The following NIPBL variants were observed in gnomAD, a reference collection of about 807,000 sequenced individuals.
NIPBL encodes NIPBL cohesin loading factor.
Under a neutral mutation model 321.8 loss-of-function variants are expected in NIPBL, and 19 were observed. The ratio of observed to expected loss-of-function variants is 0.06; its 90% CI spans 0.04 to 0.09. The LOEUF is 0.09. Ranked by LOEUF, NIPBL falls within the 10% of genes least tolerant of loss-of-function variation. The pLI is 1.00. For synonymous variants in NIPBL, 1,106 were observed against 1,114.1 expected, an observed-to-expected ratio of 0.99 and a Z score of 0.14; for missense variants, 2,210 against 3,327.0, an observed-to-expected ratio of 0.66 and a Z score of 8.26.
At chr5:37,055,072 G>C (rs1753953702) in intron 42 of NIPBL, among the ~76,000 whole-genome samples, 1 of 152,142 alleles carries the variant, frequency 6.6e-6, no homozygotes, top group Admixed American at 6.5e-5. Context: ...GTAGAGGCTG[G>C]GTGTGGTGCC....
chr5:36,992,340 C>T lies in NIPBL; in HGVS notation c.3122-3282C>T, dbSNP rs528429320. On this transcript the variant is annotated intron_variant, in intron 10 of 46. Transcript: ENST00000282516. ...GGCAAGCAACAATAATCCCTAAAAT[C>T]ATCAATCCCTAAAATACATCATCAT... is the stretch of plus-strand genomic sequence containing the variant. 4.6e-5 allele frequency among the ~76,000 whole-genome samples: 7 copies of T among 152,246 alleles called. No homozygotes were observed. In the East Asian group the frequency reaches 1.4e-3, roughly 29 times the overall value.
At chr5:37,037,475 A>G (rs2149719668) in intron 33 of NIPBL, among the ~76,000 whole-genome samples, 1 of 149,544 alleles carries the variant, frequency 6.7e-6, no homozygotes, top group South Asian at 2.1e-4. Context: ...CTTGAAGCGC[A>G]CAAAGACTAG....
chr5:36,972,654 G>A (rs995571804), intron 8 of NIPBL, among the ~76,000 whole-genome samples: 2 of 151,920 alleles, frequency 1.3e-5, no homozygotes, highest in African/African-American at 2.4e-5. Flanking sequence ...CATACCTAGC[G>A]GATATTTCCA....
intron 1 of NIPBL, among the ~76,000 whole-genome samples, chr5:36,931,791 T>C (rs1446585902): frequency 6.6e-6 from 1 of 151,814 alleles, no homozygotes; most frequent in Non-Finnish European, 1.5e-5. Flanking sequence ...TCTGGTTTTT[T>C]TTTTTTTTGT....
intron 1 of NIPBL, among the ~76,000 whole-genome samples, chr5:36,883,242 A>G (rs537013539): frequency 2.6e-5 from 4 of 152,048 alleles, no homozygotes; most frequent in East Asian, 3.9e-4. Flanking sequence ...GCCATCTTAC[A>G]TGTGTGACAT....
intron 1 of NIPBL, among the ~76,000 whole-genome samples, chr5:36,896,351 G>A (rs1746735630): frequency 6.6e-6 from 1 of 152,188 alleles, no homozygotes; most frequent in Non-Finnish European, 1.5e-5. Flanking sequence ...AGGTTTGAAA[G>A]TGAAATGTGT....
chr5:37,049,570 T>A (rs1753312898), intron 40 of NIPBL, among the ~76,000 whole-genome samples: 1 of 152,234 alleles, frequency 6.6e-6, no homozygotes, highest in South Asian at 2.1e-4. Flanking sequence ...GGTGATATAT[T>A]TGTTTTAATT....
intron 4 of NIPBL, among the ~76,000 whole-genome samples, chr5:36,960,847 A>G (rs1741534927): frequency 6.6e-6 from 1 of 152,202 alleles, no homozygotes; most frequent in African/African-American, 2.4e-5. Flanking sequence ...AAATAAATGT[A>G]AGAACCAGAA....
intron 4 of NIPBL, among the ~76,000 whole-genome samples, chr5:36,958,587 A>C (rs1741248322): frequency 6.6e-6 from 1 of 152,182 alleles, no homozygotes; most frequent in Non-Finnish European, 1.5e-5. Flanking sequence ...AGGTATATAG[A>C]GTTTTAATAC....
intron 2 of NIPBL, among the ~76,000 whole-genome samples, chr5:36,954,275 A>C (rs982133239): frequency 6.6e-6 from 1 of 152,174 alleles, no homozygotes; most frequent in African/African-American, 2.4e-5. Flanking sequence ...GGGACTTCAT[A>C]ATAAGGGAGC....
At chr5:36,892,741 G>A (rs1027661204) in intron 1 of NIPBL, among the ~76,000 whole-genome samples, 3 of 151,824 alleles carry the variant, frequency 2.0e-5, no homozygotes, top group South Asian at 2.1e-4. Context: ...TGAACAGTGA[G>A]AACCCTTGGA....
chr5:37,061,363 T>C (rs1754654470), intron 45 of NIPBL, among the ~76,000 whole-genome samples: 1 of 152,140 alleles, frequency 6.6e-6, no homozygotes, highest in African/African-American at 2.4e-5. Context: ...AATCCTCCGA[T>C]ATTCAAGGGC....
rs1375706879 is a variant in NIPBL, at chr5:36,918,320, CTGTT to C, written c.-79-35294_-79-35291del. ...GGGAGTTCACTCATGATTTGGCTCT[CTGTT>C]TGTCTGTTATTGGTGTTTAAGAATG... On this transcript the variant is annotated intron_variant, in intron 1 of 46. Coordinates refer to ENST00000282516, the MANE Select transcript of NIPBL (RefSeq NM_133433.4). Among the ~76,000 whole-genome samples the C allele has an allele frequency of 5.9e-5, 9 of 152,146 alleles. No homozygotes were observed. In the East Asian group the frequency reaches 1.2e-3, roughly 20 times the overall value.
chr5:37,064,108 TAG>T (rs1305684251), intron 46 of NIPBL, 130 bp downstream of exon 46: 1 of 1,461,040 alleles, frequency 6.8e-7, no homozygotes, highest in Non-Finnish European at 9.0e-7. Context: ...ATTTTGTAGA[TAG>T]AGATTCTCTA....
chr5:36,953,547 A>T, intron 1 of NIPBL, 71 bp from the exon 2 acceptor site: 7 of 705,424 alleles, frequency 9.9e-6, no homozygotes, highest in African/African-American at 5.3e-5. Flanking sequence ...TTTTATAGTG[A>T]TTAAGCATTT....
intron 43 of NIPBL, 57 bp from the exon 44 acceptor site, chr5:37,058,834 T>C (rs904971788): frequency 6.6e-7 from 1 of 1,525,208 alleles, no homozygotes. Flanking sequence ...TGGAGCATAC[T>C]TATATTTACT....
At chr5:36,903,766 G>A (rs1311242542) in intron 1 of NIPBL, among the ~76,000 whole-genome samples, 1 of 152,108 alleles carries the variant, frequency 6.6e-6, no homozygotes, top group African/African-American at 2.4e-5. Flanking sequence ...ATTTCTCAAG[G>A]CTGCATTCTT....
intron 21 of NIPBL, among the ~76,000 whole-genome samples, chr5:37,013,189 C>T (rs1748416355): frequency 6.6e-6 from 1 of 150,486 alleles, no homozygotes; most frequent in African/African-American, 2.4e-5. Context: ...CCACCTCCCT[C>T]CCGGACGGGG....
intron 8 of NIPBL, among the ~76,000 whole-genome samples, chr5:36,972,454 CCTTATT>C (rs768403416): frequency 1.1e-4 from 16 of 152,196 alleles, no homozygotes; most frequent in Admixed American, 2.0e-4. Context: ...TAGCTCCTCT[CCTTATT>C]CTTATTCTTC....
Sources: allele counts gnomAD v4.1 joint callset (sites outside exome capture counted in the v4.1 genomes callset), GRCh38; gene constraint gnomAD v4.1.1; transcripts MANE v1.5; gene names NCBI Gene and HGNC (gene_info 2026-07-23, HGNC 2026-07-21).